NSUN2: variants seen among roughly 807,000 people sequenced by gnomAD.
NSUN2 encodes RNA cytosine C(5)-methyltransferase NSUN2.
Under a neutral mutation model 92.7 loss-of-function variants are expected in NSUN2, and 63 were observed. The observed-to-expected ratio is 0.68, with a 90% CI of 0.56 to 0.84. NSUN2 has a LOEUF of 0.84. NSUN2 is among the 40% of genes least tolerant of loss of function. The probability of loss-of-function intolerance (pLI) is 0.00; values close to 1 mark genes in which losing one functional copy is unlikely to be tolerated. For synonymous variants in NSUN2, 356 were observed against 348.3 expected, an observed-to-expected ratio of 1.02 and a Z score of -0.25; for missense variants, 989 against 964.9, an observed-to-expected ratio of 1.02 and a Z score of -0.33.
chr5:6,605,117 C>T, intron 15 of NSUN2, 156 bp downstream of exon 15: 2 of 975,680 alleles, frequency 2.0e-6, no homozygotes, highest in Non-Finnish European at 3.1e-6. Context: ...TGTCAGTCAA[C>T]AGCTCTGAAA....
intron 9 of NSUN2, among the ~76,000 whole-genome samples, chr5:6,614,093 C>T (rs1439585229): frequency 7.9e-5 from 3 of 38,130 alleles, no homozygotes; most frequent in Non-Finnish European, 1.4e-4. Context: ...GAGACTGTCT[C>T]GGAAAAAAAA....
intron 12 of NSUN2, among the ~76,000 whole-genome samples, chr5:6,609,366 G>A (rs1019293828): frequency 3.3e-5 from 5 of 152,134 alleles, no homozygotes; most frequent in South Asian, 2.1e-4. Context: ...CAAACAGGCC[G>A]GGCTGCATCT....
chr5:6,602,056 G>C (rs1033422367), intron 18 of NSUN2, among the ~76,000 whole-genome samples: 1 of 152,160 alleles, frequency 6.6e-6, no homozygotes, highest in African/African-American at 2.4e-5. Context: ...CCCATGCTCC[G>C]GCCCTAGCAC....
chr5:6,612,128 A>C (rs779796194), intron 9 of NSUN2, among the ~76,000 whole-genome samples: 9 of 152,122 alleles, frequency 5.9e-5, no homozygotes, highest in Admixed American at 6.5e-5. Context: ...AAATGAGCAA[A>C]CATTAACAAT....
intron 18 of NSUN2, among the ~76,000 whole-genome samples, chr5:6,600,734 G>A (rs1736519444): frequency 6.6e-6 from 1 of 152,026 alleles, no homozygotes; most frequent in East Asian, 1.9e-4. Context: ...GGCTGCCAGA[G>A]CAGAACCCAG....
At chr5:6,621,885 A>G (rs1194626039) in intron 6 of NSUN2, 131 bp downstream of exon 6, 9 of 693,962 alleles carry the variant, frequency 1.3e-5, no homozygotes, top group South Asian at 8.9e-5. Context: ...TACTTCCGGT[A>G]GACGGAAAAC....
intron 16 of NSUN2, 61 bp from the exon 17 acceptor site, chr5:6,604,337 C>G: frequency 6.9e-7 from 1 of 1,444,170 alleles, no homozygotes; most frequent in Non-Finnish European, 9.5e-7. Flanking sequence ...ACGACAACAG[C>G]CTGCTCTCAG....
intron 11 of NSUN2, among the ~76,000 whole-genome samples, chr5:6,610,278 T>A (rs7717596): frequency 1.3e-5 from 2 of 151,596 alleles, no homozygotes; most frequent in African/African-American, 4.8e-5. Flanking sequence ...GGTCTTGCCA[T>A]GTCGTCCAGG....
At chr5:6,600,962 A>G (rs1256553392) in intron 18 of NSUN2, among the ~76,000 whole-genome samples, 1 of 152,128 alleles carries the variant, frequency 6.6e-6, no homozygotes, top group Non-Finnish European at 1.5e-5. Context: ...GCCCCAGCAG[A>G]GATGGACGCC....
rs1260245513 is a variant in NSUN2 at position 6,604,666 on chromosome 5, T to A, written c.1757A>T (p.Lys586Ile). 6.2e-7 allele frequency: 1 copy of A among 1,613,742 alleles called. No individual in the cohort carries two copies. Among genetic ancestry groups the A allele is most frequent in the African/African-American group, 1.3e-5 (1 of 74,922 alleles). Residue 586 changes from lysine (K) to isoleucine (I), a missense_variant, in exon 16 of 19, where the codon AAA becomes ATA. Coordinates refer to ENST00000264670, the MANE Select transcript of NSUN2 (RefSeq NM_017755.6). ...EKMKVINTGIKVWCRNNSGEE... is the reference protein window; with the variant it reads ...EKMKVINTGIIVWCRNNSGEE... ...ACCGCTGTTATTTCTACACCAGACTTTGATCCCCGTGTTAATAACCTGTAA... is the reference window on the plus strand; with the variant it reads ...ACCGCTGTTATTTCTACACCAGACTATGATCCCCGTGTTAATAACCTGTAA...
At chr5:6,610,840 G>C in intron 11 of NSUN2, 115 bp downstream of exon 11, 1 of 1,272,632 alleles carries the variant, frequency 7.9e-7, no homozygotes, top group Non-Finnish European at 1.1e-6. Context: ...CATAACCCAA[G>C]CCTCACAGCA....
chr5:6,609,536 G>A (rs150132142), intron 12 of NSUN2, among the ~76,000 whole-genome samples: 1 of 152,316 alleles, frequency 6.6e-6, no homozygotes, highest in Non-Finnish European at 1.5e-5. Context: ...GAGAGCCACA[G>A]AGCAATCTTT....
At chr5:6,627,004 A>C (rs1737681897) in intron 3 of NSUN2, among the ~76,000 whole-genome samples, 1 of 152,192 alleles carries the variant, frequency 6.6e-6, no homozygotes, top group African/African-American at 2.4e-5. Flanking sequence ...TGCTCAAGTC[A>C]AAATATTACA....
rs1240838865 is a variant in NSUN2, at chr5:6,623,107, G to GA, written c.537+106dup. ...CACTCTCTATCCAAAGTGAAAAGAA[G>GA]AAAAAAAGGACTAATTATATTAAGA... On this transcript the variant is annotated intron_variant, in intron 5 of 18. Transcript: ENST00000264670. The GA allele has an allele frequency of 7.5e-5, 60 of 799,172 alleles. No homozygotes were observed. In the South Asian group the frequency reaches 1.3e-3, roughly 17 times the overall value. 49.5% of individuals were successfully genotyped at this position (799,172 alleles called of 1,614,324 possible).
At chr5:6,622,925 T>C (rs754519329) in intron 5 of NSUN2, among the ~76,000 whole-genome samples, 2 of 150,764 alleles carry the variant, frequency 1.3e-5, no homozygotes, top group Non-Finnish European at 2.9e-5. Context: ...ATGTTCACTA[T>C]CATTTTCAAC....
chr5:6,606,403 C>A (rs1579357029), intron 14 of NSUN2, among the ~76,000 whole-genome samples: 2 of 152,298 alleles, frequency 1.3e-5, no homozygotes, highest in East Asian at 1.9e-4. Flanking sequence ...CCTGCCTCAG[C>A]CTCCAGAGTA....
chr5:6,622,401 A>T (rs1737482936), intron 5 of NSUN2, among the ~76,000 whole-genome samples: 2 of 152,158 alleles, frequency 1.3e-5, no homozygotes, highest in African/African-American at 4.8e-5. Context: ...AGCTACCTAG[A>T]CTCAAATCTC....
At chr5:6,601,408 G>A (rs1476491676) in intron 18 of NSUN2, among the ~76,000 whole-genome samples, 2 of 151,598 alleles carry the variant, frequency 1.3e-5, no homozygotes, top group African/African-American at 2.4e-5. Context: ...GACACCATCC[G>A]CCTCCAGCAG....
chr5:6,607,025 C>T, intron 13 of NSUN2, 113 bp from the exon 14 acceptor site: 1 of 961,324 alleles, frequency 1.0e-6, no homozygotes, highest in Non-Finnish European at 1.6e-6. Flanking sequence ...CGGTTTGCGG[C>T]AGATGTTGAA....
Sources: gnomAD v4.1 joint callset for allele counts (sites outside exome capture counted in the v4.1 genomes callset) on GRCh38, gnomAD v4.1.1 for gene constraint, MANE v1.5 for transcripts, NCBI Gene and HGNC (gene_info 2026-07-23, HGNC 2026-07-21) for gene names.